The following MYO16 variants were observed in gnomAD, a reference collection of about 807,000 sequenced individuals.
MYO16 encodes unconventional myosin-XVI.
In MYO16, 94 loss-of-function variants were observed where a neutral mutation model predicts 205.3. The observed-to-expected ratio is 0.46, with a 90% CI of 0.39 to 0.54. The LOEUF is 0.54. Among genes scored for constraint, MYO16 ranks in the 20% least tolerant of loss-of-function variants. The probability of loss-of-function intolerance (pLI) is 0.00; values close to 1 mark genes in which losing one functional copy is unlikely to be tolerated. For missense variants in MYO16, 2,315 were observed against 2,387.5 expected (o/e 0.97, Z 0.63); for synonymous variants, 988 against 954.0 (o/e 1.04, Z -0.66).
intron 1 of MYO16, among the ~76,000 whole-genome samples, chr13:108,664,541 T>C (rs1320066064): frequency 6.6e-6 from 1 of 152,174 alleles, no homozygotes; most frequent in Non-Finnish European, 1.5e-5. Context: ...TGTTGTTCCT[T>C]CAAAGGACCA....
intron 1 of MYO16, among the ~76,000 whole-genome samples, chr13:108,643,444 A>C (rs1054129236): frequency 1.3e-5 from 2 of 152,238 alleles, no homozygotes; most frequent in Non-Finnish European, 2.9e-5. Context: ...GTCTATTACA[A>C]GTAAAGTTAC....
At chr13:108,740,060 G>A (rs964572133) in intron 4 of MYO16, among the ~76,000 whole-genome samples, 1 of 152,090 alleles carries the variant, frequency 6.6e-6, no homozygotes, top group Non-Finnish European at 1.5e-5. Context: ...GAGGTTTTTA[G>A]CTTCTTTGTG....
At chr13:108,927,700 G>T (rs541421443) in intron 16 of MYO16, among the ~76,000 whole-genome samples, 31 of 152,370 alleles carry the variant, frequency 2.0e-4, no homozygotes, top group African/African-American at 7.2e-4. Flanking sequence ...GGACAGACAT[G>T]GCTCTGTCCT....
chr13:108,828,691 A>G (rs915817993), intron 9 of MYO16, among the ~76,000 whole-genome samples: 2 of 152,074 alleles, frequency 1.3e-5, no homozygotes, highest in African/African-American at 4.8e-5. Context: ...AACCAGCCCA[A>G]CCTCCAGGAG....
At chr13:108,630,142 GA>G (rs76743419) in intron 1 of MYO16, among the ~76,000 whole-genome samples, 18,390 of 126,248 alleles carry the variant, frequency 0.15, 1,544 homozygotes, top group African/African-American at 0.26. Context: ...ACAGCAACCA[GA>G]AAAAAAAAAA....
intron 2 of MYO16, among the ~76,000 whole-genome samples, chr13:108,708,615 G>T (rs1009520446): frequency 6.6e-6 from 1 of 152,220 alleles, no homozygotes; most frequent in Non-Finnish European, 1.5e-5. Context: ...ACAGAATTGA[G>T]AACGCAGGTA....
chr13:108,703,908 T>C (rs989266361), intron 2 of MYO16, among the ~76,000 whole-genome samples: 1 of 152,096 alleles, frequency 6.6e-6, no homozygotes, highest in African/African-American at 2.4e-5. Flanking sequence ...GGCCAATAAG[T>C]TAAAAAGAGG....
At chr13:108,541,283 G>A in the MYO16 span, among the ~76,000 whole-genome samples, 1 of 151,430 alleles carries the variant, frequency 6.6e-6, no homozygotes, top group East Asian at 1.9e-4. Flanking sequence ...TCTAAATTAT[G>A]TATAAATGTG....
chr13:108,784,356 T>C (rs1409338301), intron 4 of MYO16, among the ~76,000 whole-genome samples: 1 of 152,156 alleles, frequency 6.6e-6, no homozygotes, highest in Non-Finnish European at 1.5e-5. Context: ...ATATATGACT[T>C]GCTTTGTTCA....
At chr13:109,024,439 G>A (rs1050629805) in intron 23 of MYO16, among the ~76,000 whole-genome samples, 3 of 151,984 alleles carry the variant, frequency 2.0e-5, no homozygotes, top group Non-Finnish European at 4.4e-5. Flanking sequence ...GTGGAAATGT[G>A]CTTTGGAATA....
intron 4 of MYO16, among the ~76,000 whole-genome samples, chr13:108,752,478 G>C (rs544522801): frequency 6.6e-6 from 1 of 152,252 alleles, no homozygotes; most frequent in African/African-American, 2.4e-5. Flanking sequence ...GGATAACTCT[G>C]TAAGTGCAAA....
intron 4 of MYO16, among the ~76,000 whole-genome samples, chr13:108,740,935 T>C (rs1884885817): frequency 6.6e-6 from 1 of 152,116 alleles, no homozygotes; most frequent in South Asian, 2.1e-4. Flanking sequence ...CTCTGAGCCA[T>C]GTTGGGGATA....
At chr13:108,937,997 T>A (rs1003508038) in intron 16 of MYO16, among the ~76,000 whole-genome samples, 3 of 152,332 alleles carry the variant, frequency 2.0e-5, no homozygotes, top group African/African-American at 7.2e-5. Flanking sequence ...TCTTCTGATG[T>A]GGAGAAATTG....
chr13:109,093,037 A>G (rs1049354080), intron 27 of MYO16, among the ~76,000 whole-genome samples: 1 of 152,164 alleles, frequency 6.6e-6, no homozygotes, highest in Non-Finnish European at 1.5e-5. Flanking sequence ...TTTTAGTGTT[A>G]TAGTCACAAT....
chr13:108,798,973 G>A (rs1886888758), intron 6 of MYO16, among the ~76,000 whole-genome samples: 1 of 151,640 alleles, frequency 6.6e-6, no homozygotes, highest in Non-Finnish European at 1.5e-5. Context: ...CCAAAGTGCT[G>A]GGATTACAGG....
At chr13:108,831,615 C>T (rs900233193) in intron 9 of MYO16, among the ~76,000 whole-genome samples, 1 of 152,078 alleles carries the variant, frequency 6.6e-6, no homozygotes, top group African/African-American at 2.4e-5. Context: ...TGGGTTCAAG[C>T]GATTCTCTGG....
intron 1 of MYO16, among the ~76,000 whole-genome samples, chr13:108,606,560 G>T (rs1878966012): frequency 6.6e-6 from 1 of 152,188 alleles, no homozygotes; most frequent in African/African-American, 2.4e-5. Context: ...TGAGGTTTGG[G>T]AACCTCCACC....
chr13:108,570,270 C>G, the MYO16 span, among the ~76,000 whole-genome samples: 1 of 151,636 alleles, frequency 6.6e-6, no homozygotes, highest in Non-Finnish European at 1.5e-5. Context: ...TTATCCTTTT[C>G]TTAAATCTTG....
chr13:108,708,621 A>G (rs1883605126), intron 2 of MYO16, among the ~76,000 whole-genome samples: 1 of 152,236 alleles, frequency 6.6e-6, no homozygotes, highest in African/African-American at 2.4e-5. Flanking sequence ...TTGAGAACGC[A>G]GGTATGCTTA....
Sources: gnomAD v4.1 joint callset for allele counts (sites outside exome capture counted in the v4.1 genomes callset) on GRCh38, gnomAD v4.1.1 for gene constraint, MANE v1.5 for transcripts, NCBI Gene and HGNC (gene_info 2026-07-23, HGNC 2026-07-21) for gene names.